NCAM1: variants seen among roughly 807,000 people sequenced by gnomAD.
NCAM1 encodes the protein neural cell adhesion molecule 1.
In NCAM1, 14 loss-of-function variants were observed where a neutral mutation model predicts 109.8. That is an observed-to-expected ratio of 0.13 (90% confidence interval 0.08 to 0.20). The LOEUF is 0.20. Ranked by LOEUF, NCAM1 falls within the 10% of genes least tolerant of loss-of-function variation. The pLI is 1.00. For missense variants in NCAM1, 774 were observed against 1,109.9 expected, an observed-to-expected ratio of 0.70 and a Z score of 4.30; for synonymous variants, 418 against 442.9, an observed-to-expected ratio of 0.94 and a Z score of 0.70.
At chr11:113,149,242 T>G (rs1190015944) in intron 1 of NCAM1, among the ~76,000 whole-genome samples, 1 of 152,160 alleles carries the variant, frequency 6.6e-6, no homozygotes, top group Non-Finnish European at 1.5e-5. Context: ...CAGCAAAGCC[T>G]GGCTAGGGCT....
At chr11:112,972,815 C>T (rs1950916298) in intron 1 of NCAM1, among the ~76,000 whole-genome samples, 1 of 152,070 alleles carries the variant, frequency 6.6e-6, no homozygotes, top group Non-Finnish European at 1.5e-5. Flanking sequence ...GAGTCAAAGA[C>T]TGAGGAAGAG....
intron 1 of NCAM1, among the ~76,000 whole-genome samples, chr11:112,971,820 A>G (rs1950890301): frequency 6.6e-6 from 1 of 152,184 alleles, no homozygotes; most frequent in Non-Finnish European, 1.5e-5. Flanking sequence ...ACAGCTGTAC[A>G]TTCTATTAGT....
At chr11:113,138,600 T>C (rs1941700734) in intron 1 of NCAM1, among the ~76,000 whole-genome samples, 1 of 152,232 alleles carries the variant, frequency 6.6e-6, no homozygotes, top group Admixed American at 6.5e-5. Flanking sequence ...TTTGGATACT[T>C]GCATGATCTG....
At chr11:113,230,237 A>G (rs1944966203) in intron 9 of NCAM1, among the ~76,000 whole-genome samples, 1 of 152,180 alleles carries the variant, frequency 6.6e-6, no homozygotes, top group Non-Finnish European at 1.5e-5. Flanking sequence ...AATGTGTGGC[A>G]TCTCCTGGGA....
intron 1 of NCAM1, among the ~76,000 whole-genome samples, chr11:112,968,324 T>C (rs1950781055): frequency 6.6e-6 from 1 of 152,220 alleles, no homozygotes; most frequent in African/African-American, 2.4e-5. Context: ...GCTATTATTA[T>C]TCAAATGAGT....
Position 112,961,633 on chromosome 11 carries a change from C to G in NCAM1, c.21C>G (p.Leu7=), listed in dbSNP as rs1555063034. Residue 7 remains leucine, a synonymous_variant, in exon 1 of 20, where the codon CTC becomes CTG. Transcript: ENST00000316851. ...TTACAATGCTGCAAACTAAGGATCT[C>G]ATCTGGACTTTGTTTTTCCTGGGAA... MLQTKD[L]IWTLFFLGTA... is the part of the protein sequence containing the mutation. The G allele has an allele frequency of 6.7e-7, 1 of 1,498,300 alleles. No homozygotes were observed. The highest frequency in any genetic ancestry group is 9.3e-7 in the Non-Finnish European group (1 of 1,079,204). The allele number at this position is 1,498,300 out of a possible 1,614,324, so 92.8% of individuals were successfully genotyped here.
intron 1 of NCAM1, among the ~76,000 whole-genome samples, chr11:112,973,164 C>T (rs1950927266): frequency 6.6e-6 from 1 of 152,088 alleles, no homozygotes; most frequent in African/African-American, 2.4e-5. Context: ...TCTTTTGAAG[C>T]TTGTTCTGCA....
intron 1 of NCAM1, among the ~76,000 whole-genome samples, chr11:112,986,316 AT>A (rs1424025758): frequency 1.3e-5 from 2 of 151,840 alleles, no homozygotes; most frequent in African/African-American, 2.4e-5. Flanking sequence ...GTTTGCTAGT[AT>A]TTTTTTGAGG....
chr11:113,131,134 C>T (rs1184098738), intron 1 of NCAM1, among the ~76,000 whole-genome samples: 2 of 152,206 alleles, frequency 1.3e-5, no homozygotes, highest in Non-Finnish European at 2.9e-5. Context: ...ACCTTGTGGT[C>T]TGATCCAAGA....
chr11:113,092,606 A>T (rs1939400432), intron 1 of NCAM1, among the ~76,000 whole-genome samples: 1 of 152,150 alleles, frequency 6.6e-6, no homozygotes, highest in Admixed American at 6.6e-5. Flanking sequence ...AAAGTCTATT[A>T]TTGGTCTTTA....
intron 1 of NCAM1, among the ~76,000 whole-genome samples, chr11:113,097,507 C>T (rs1939653922): frequency 2.0e-5 from 3 of 152,066 alleles, no homozygotes; most frequent in Non-Finnish European, 4.4e-5. Flanking sequence ...ACATACCCTC[C>T]CGTTAGCTGA....
chr11:113,166,398 G>C (rs1942798673), intron 1 of NCAM1, among the ~76,000 whole-genome samples: 1 of 152,190 alleles, frequency 6.6e-6, no homozygotes, highest in African/African-American at 2.4e-5. Context: ...CCACGTCAGT[G>C]AGCCAGCCAG....
rs371691107 is a variant in NCAM1, at chr11:113,181,441, C to T, written c.53-20938C>T. The stretch of plus-strand genomic sequence containing the variant: ...AGGGGTTTACCAAACACCGCTTGTT[C>T]TACTTATAAGTGGGAGCTGAACAGT... On this transcript the variant is annotated intron_variant, in intron 1 of 19. Coordinates refer to ENST00000316851, the MANE Select transcript of NCAM1 (RefSeq NM_181351.5). Among the ~76,000 whole-genome samples, 16 of 152,298 alleles carry T rather than the reference C, an allele frequency of 1.1e-4. No homozygotes were observed. In the East Asian group the frequency reaches 2.7e-3, roughly 26 times the overall value.
chr11:113,205,452 A>G (rs1944208220), intron 3 of NCAM1, 71 bp from the exon 4 acceptor site: 1 of 1,539,988 alleles, frequency 6.5e-7, no homozygotes, highest in African/African-American at 1.4e-5. Flanking sequence ...TCCAGGTACC[A>G]TGGCTCTAGT....
intron 1 of NCAM1, among the ~76,000 whole-genome samples, chr11:113,016,419 T>C (rs1952206294): frequency 6.6e-6 from 1 of 152,226 alleles, no homozygotes; most frequent in South Asian, 2.1e-4. Flanking sequence ...TCATTTTTTC[T>C]GGTGCTGCTC....
Position 113,260,205 on chromosome 11 carries a change from G to A in NCAM1, c.2013G>A (p.Leu671=), listed in dbSNP as rs1394948400. 6.2e-7 allele frequency: 1 copy of A among 1,613,942 alleles called. No homozygotes were observed. ...RLPSGSDHVM[L]KSLDWNAEYE... The stretch of plus-strand genomic sequence containing the variant: ...CGTCTGGCAGTGACCACGTCATGCT[G>A]AAGTCCCTGGACTGGAATGCTGAGT... Residue 671 remains leucine, a synonymous_variant, in exon 17 of 20, where the codon CTG becomes CTA. Coordinates refer to ENST00000316851, the MANE Select transcript of NCAM1 (RefSeq NM_181351.5).
rs577605794 is a variant in NCAM1 at position 113,171,679 on chromosome 11, G to A, written c.53-30700G>A. On this transcript the variant is annotated intron_variant, in intron 1 of 19. Transcript: ENST00000316851. ...AATAAATAAATAAATAAAGAGAAGA[G>A]ATAACTTATTGCCCTCTTGAAGCTA... 2.4e-4 allele frequency among the ~76,000 whole-genome samples: 36 copies of A among 150,214 alleles called. No homozygotes were observed. The South Asian group carries it at 7.5e-3, about 31-fold the overall frequency.
intron 1 of NCAM1, among the ~76,000 whole-genome samples, chr11:113,172,911 G>A (rs1212455249): frequency 1.3e-5 from 2 of 152,092 alleles, no homozygotes; most frequent in Non-Finnish European, 1.5e-5. Flanking sequence ...GCTTAATCTG[G>A]GATCGAACTG....
intron 1 of NCAM1, among the ~76,000 whole-genome samples, chr11:113,183,154 C>G (rs971647289): frequency 3.9e-5 from 6 of 152,160 alleles, no homozygotes; most frequent in Non-Finnish European, 8.8e-5. Context: ...AGGGGCAAGA[C>G]CAGAACAAAA....
Sources: allele counts gnomAD v4.1 joint callset (sites outside exome capture counted in the v4.1 genomes callset), GRCh38; gene constraint gnomAD v4.1.1; transcripts MANE v1.5; gene names NCBI Gene and HGNC (gene_info 2026-07-23, HGNC 2026-07-21).